The following STPG4 variants were observed in gnomAD, a reference collection of about 807,000 sequenced individuals.
STPG4 encodes the protein sperm-tail PG-rich repeat containing 4.
STPG4 carries 41 observed loss-of-function variants against 31.5 expected under a neutral mutation model. The observed-to-expected ratio is 1.30, with a 90% CI of 1.01 to 1.69. The LOEUF is 1.69. STPG4 is among the 40% of genes most tolerant of loss of function. STPG4 has a pLI of 0.00. For missense variants in STPG4, 375 were observed against 293.4 expected, an observed-to-expected ratio of 1.28 and a Z score of -2.03; for synonymous variants, 141 against 103.0, an observed-to-expected ratio of 1.37 and a Z score of -2.24.
At chr2:47,129,583 G>C (rs1419301954) in intron 5 of STPG4, 2 of 215,690 alleles carry the variant, frequency 9.3e-6, no homozygotes, top group Non-Finnish European at 1.8e-5. Context: ...CCCGTGCAAA[G>C]TCCCCCCGTC....
chr2:47,141,130 G>T (rs1490586643), intron 3 of STPG4, among the ~76,000 whole-genome samples: 2 of 151,790 alleles, frequency 1.3e-5, no homozygotes, highest in Non-Finnish European at 2.9e-5. Flanking sequence ...CAAGTGATCT[G>T]CCCCCCTCGG....
chr2:47,147,382 A>C (rs1686844656), intron 3 of STPG4, among the ~76,000 whole-genome samples: 1 of 152,216 alleles, frequency 6.6e-6, no homozygotes. Flanking sequence ...ATAATGATTA[A>C]CTATGGGATT....
intron 3 of STPG4, among the ~76,000 whole-genome samples, chr2:47,150,890 G>A (rs1366714348): frequency 1.3e-5 from 2 of 152,010 alleles, no homozygotes; most frequent in Non-Finnish European, 2.9e-5. Context: ...GATACTCCCC[G>A]AGAGGCAGGG....
intron 5 of STPG4, among the ~76,000 whole-genome samples, chr2:47,102,198 G>A (rs1463555555): frequency 2.9e-5 from 4 of 139,696 alleles, no homozygotes; most frequent in Admixed American, 7.0e-5. Flanking sequence ...GCGTCAGTGA[G>A]CGCAACTATT....
chr2:47,115,255 G>C (rs1026743612), intron 5 of STPG4, among the ~76,000 whole-genome samples: 1 of 151,464 alleles, frequency 6.6e-6, no homozygotes, highest in Non-Finnish European at 1.5e-5. Flanking sequence ...TATATTGATT[G>C]GTTTCTCTTT....
At chr2:47,105,588 A>C (rs559186206) in intron 5 of STPG4, among the ~76,000 whole-genome samples, 1 of 152,190 alleles carries the variant, frequency 6.6e-6, no homozygotes, top group East Asian at 1.9e-4. Context: ...ATGATCTCTT[A>C]GAAGTCCCCT....
intron 3 of STPG4, among the ~76,000 whole-genome samples, chr2:47,139,823 C>T (rs1558686473): frequency 6.6e-6 from 1 of 152,028 alleles, no homozygotes; most frequent in Non-Finnish European, 1.5e-5. Flanking sequence ...TATCTTTCTC[C>T]ACCCATTTAC....
chr2:47,141,718 T>A (rs1265402984), intron 3 of STPG4, among the ~76,000 whole-genome samples: 1 of 152,038 alleles, frequency 6.6e-6, no homozygotes, highest in Non-Finnish European at 1.5e-5. Context: ...CTGGCACCCT[T>A]CCTATGGTTT....
rs112315154 is a variant in STPG4 at position 47,114,478 on chromosome 2, G to A, written c.519+15463C>T. Among the ~76,000 whole-genome samples, 1,468 of 152,194 alleles carry A rather than the reference G, an allele frequency of 9.6e-3. 23 individuals are homozygous for A. Among genetic ancestry groups the A allele is most frequent in the East Asian group, 0.03 (154 of 5,184 alleles). On this transcript the variant is annotated intron_variant, in intron 5 of 6. Coordinates refer to ENST00000445927, the MANE Select transcript of STPG4 (RefSeq NM_001163561.2). ...GTCGAGATCACATGACTGCACTCCC[G>A]CCTGGGTGACACAGCAAGACTCTAT...
chr2:47,104,453 A>G (rs1162863126), intron 5 of STPG4, among the ~76,000 whole-genome samples: 4 of 151,954 alleles, frequency 2.6e-5, no homozygotes, highest in Non-Finnish European at 4.4e-5. Flanking sequence ...GTTGTACCCA[A>G]CCCCTATATC....
At chr2:47,139,554 G>A (rs867851014) in intron 3 of STPG4, among the ~76,000 whole-genome samples, 6 of 151,896 alleles carry the variant, frequency 4.0e-5, no homozygotes, top group African/African-American at 1.2e-4. Flanking sequence ...TCTACAAAAT[G>A]GGTGGTCTTT....
chr2:47,100,498 T>C (rs567824900), intron 5 of STPG4, among the ~76,000 whole-genome samples: 1 of 148,938 alleles, frequency 6.7e-6, no homozygotes, highest in East Asian at 2.0e-4. Context: ...CACTCGGCTC[T>C]ACCAATCAGC....
At chr2:47,111,441 A>G (rs1686034664) in intron 5 of STPG4, among the ~76,000 whole-genome samples, 1 of 152,224 alleles carries the variant, frequency 6.6e-6, no homozygotes, top group East Asian at 1.9e-4. Flanking sequence ...TTATGAAAGC[A>G]ATAAAATCAA....
intron 5 of STPG4, among the ~76,000 whole-genome samples, chr2:47,099,328 C>G (rs1467578891): frequency 6.6e-6 from 1 of 152,214 alleles, no homozygotes; most frequent in Non-Finnish European, 1.5e-5. Context: ...TGCCCTGAAC[C>G]CTCTCCTCCC....
chr2:47,152,940 C>A lies in STPG4; in HGVS notation c.141+17G>T. 1 of 1,563,574 alleles carries A rather than the reference C, an allele frequency of 6.4e-7. No homozygotes were observed. The highest frequency in any genetic ancestry group is 1.2e-5 in the South Asian group (1 of 85,944). On this transcript the variant is annotated intron_variant, in intron 2 of 6. Coordinates refer to ENST00000445927, the MANE Select transcript of STPG4 (RefSeq NM_001163561.2). ...ATAGGAATAATGTGAATAGGAAAGA[C>A]TGAACAATGTACATACTGTTAATGC...
Position 47,129,879 on chromosome 2 carries a change from G to C in STPG4, c.519+62C>G. ...TATGTGGCCACCTTGCTCCACTCCA[G>C]AAAGCACAGCGTATTTTAAACATCA... is the stretch of plus-strand genomic sequence containing the variant. On this transcript the variant is annotated intron_variant, in intron 5 of 6. Transcript: ENST00000445927. 1.9e-6 allele frequency: 3 copies of C among 1,592,076 alleles called. No homozygotes were observed. In the South Asian group the frequency reaches 3.5e-5, roughly 19 times the overall value.
At chr2:47,129,720 T>G (rs1264142991) in intron 5 of STPG4, 3 of 510,710 alleles carry the variant, frequency 5.9e-6, no homozygotes, top group Non-Finnish European at 1.0e-5. Flanking sequence ...CAGTGCCTCT[T>G]TCCTTGATAC....
intron 5 of STPG4, among the ~76,000 whole-genome samples, chr2:47,102,131 G>A (rs746912732): frequency 3.3e-5 from 5 of 151,660 alleles, no homozygotes; most frequent in Admixed American, 6.6e-5. Context: ...CAACTATTCC[G>A]ATCAGCAGGG....
chr2:47,123,755 A>C (rs1686316496), intron 5 of STPG4, among the ~76,000 whole-genome samples: 1 of 152,172 alleles, frequency 6.6e-6, no homozygotes, highest in African/African-American at 2.4e-5. Context: ...TGATGAGCAA[A>C]ATGTTAATCT....
Sources: allele counts gnomAD v4.1 joint callset (sites outside exome capture counted in the v4.1 genomes callset), GRCh38; gene constraint gnomAD v4.1.1; transcripts MANE v1.5; gene names NCBI Gene and HGNC (gene_info 2026-07-23, HGNC 2026-07-21).